The following RAVER2 variants were observed in gnomAD, a reference collection of about 807,000 sequenced individuals.
RAVER2 encodes ribonucleoprotein PTB-binding 2.
RAVER2 carries 46 observed loss-of-function variants against 78.1 expected under a neutral mutation model. The ratio of observed to expected loss-of-function variants is 0.59; its 90% CI spans 0.46 to 0.75. The LOEUF is 0.75. Among genes scored for constraint, RAVER2 ranks in the 30% least tolerant of loss-of-function variants. RAVER2 has a pLI of 0.00. For missense variants in RAVER2, 793 were observed against 837.5 expected (o/e 0.95, Z 0.66); for synonymous variants, 311 against 313.3 (o/e 0.99, Z 0.08).
chr1:64,817,682 T>C (rs1033055004), intron 11 of RAVER2, among the ~76,000 whole-genome samples: 3 of 142,250 alleles, frequency 2.1e-5, no homozygotes, highest in Non-Finnish European at 4.5e-5. Flanking sequence ...ATGTTCTGAC[T>C]CAGAGGTGAG....
intron 1 of RAVER2, among the ~76,000 whole-genome samples, chr1:64,764,789 A>G (rs751028793): frequency 3.9e-5 from 6 of 152,220 alleles, no homozygotes; most frequent in Non-Finnish European, 8.8e-5. Context: ...GTCTTGAGGC[A>G]GAACTTCTAC....
intron 10 of RAVER2, among the ~76,000 whole-genome samples, chr1:64,813,828 GACACACACACACACACACACACACACAC>G (rs10566575): frequency 2.1e-5 from 3 of 145,898 alleles, no homozygotes; most frequent in East Asian, 2.0e-4. Flanking sequence ...TTAGAGACTA[GACACACACACACACACACACACACACAC>G]ACACACACAC....
chr1:64,774,094 G>A (rs1652396437), intron 2 of RAVER2, among the ~76,000 whole-genome samples: 1 of 152,088 alleles, frequency 6.6e-6, no homozygotes, highest in African/African-American at 2.4e-5. Context: ...TTGTCAGATG[G>A]ATAGATTGCA....
At chr1:64,802,606 T>C (rs1201813222) in intron 5 of RAVER2, among the ~76,000 whole-genome samples, 1 of 152,230 alleles carries the variant, frequency 6.6e-6, no homozygotes, top group Non-Finnish European at 1.5e-5. Flanking sequence ...TCTTGTCCCC[T>C]ACTCCTACCC....
At chr1:64,784,513 A>G (rs1652725886) in intron 4 of RAVER2, among the ~76,000 whole-genome samples, 1 of 152,118 alleles carries the variant, frequency 6.6e-6, no homozygotes, top group Non-Finnish European at 1.5e-5. Flanking sequence ...GTAGATTTCC[A>G]TATTTGGCCT....
chr1:64,780,186 G>A (rs543540474), intron 3 of RAVER2, among the ~76,000 whole-genome samples: 1 of 152,236 alleles, frequency 6.6e-6, no homozygotes, highest in African/African-American at 2.4e-5. Context: ...GATTGGCATA[G>A]ACTGTATTAA....
intron 4 of RAVER2, among the ~76,000 whole-genome samples, chr1:64,784,454 CTA>C (rs1412738576): frequency 2.0e-5 from 3 of 152,098 alleles, no homozygotes; most frequent in Non-Finnish European, 2.9e-5. Context: ...TCCTATCTGC[CTA>C]TGTGTTCTTT....
At chr1:64,758,513 T>G (rs1031497829) in intron 1 of RAVER2, among the ~76,000 whole-genome samples, 2 of 152,170 alleles carry the variant, frequency 1.3e-5, no homozygotes, top group Non-Finnish European at 1.5e-5. Flanking sequence ...ATTCGCTGTT[T>G]GTTGCTGGGT....
At chr1:64,747,705 G>A (rs563428928) in intron 1 of RAVER2, among the ~76,000 whole-genome samples, 21 of 152,082 alleles carry the variant, frequency 1.4e-4, no homozygotes, top group African/African-American at 5.1e-4. Flanking sequence ...GTAGAGATGT[G>A]GTTTTGCCAT....
At chr1:64,826,706 G>T (rs1033591782) in intron 11 of RAVER2, among the ~76,000 whole-genome samples, 1 of 152,184 alleles carries the variant, frequency 6.6e-6, no homozygotes, top group African/African-American at 2.4e-5. Flanking sequence ...AACATGCCTA[G>T]CTGCTGTGTT....
chr1:64,813,036 G>A (rs917711211), intron 10 of RAVER2, among the ~76,000 whole-genome samples, 187 bp downstream of exon 10: 3 of 152,016 alleles, frequency 2.0e-5, no homozygotes. Context: ...TTTATTTAAG[G>A]AAAACATTAC....
chr1:64,806,567 C>T (rs1479144859), intron 8 of RAVER2, among the ~76,000 whole-genome samples: 3 of 151,928 alleles, frequency 2.0e-5, no homozygotes, highest in African/African-American at 4.8e-5. Flanking sequence ...GTTTAACAAC[C>T]AGCTCTCTAG....
At chr1:64,747,478 A>G (rs1348060291) in intron 1 of RAVER2, among the ~76,000 whole-genome samples, 1 of 151,682 alleles carries the variant, frequency 6.6e-6, no homozygotes, top group South Asian at 2.1e-4. Flanking sequence ...GTTCTTTTCC[A>G]GAAGAGACTG....
intron 1 of RAVER2, among the ~76,000 whole-genome samples, chr1:64,753,389 C>T (rs764121873): frequency 1.2e-4 from 18 of 151,958 alleles, no homozygotes; most frequent in Non-Finnish European, 1.9e-4. Flanking sequence ...TCAAAGAAAT[C>T]CCCACAAATA....
chr1:64,785,916 C>A (rs954333768), intron 4 of RAVER2, among the ~76,000 whole-genome samples: 5 of 151,890 alleles, frequency 3.3e-5, no homozygotes, highest in African/African-American at 1.2e-4. Context: ...GCATTTATTT[C>A]TTTTCTTGCT....
At chr1:64,779,142 T>A (rs1052774884) in intron 3 of RAVER2, among the ~76,000 whole-genome samples, 8 of 151,958 alleles carry the variant, frequency 5.3e-5, no homozygotes, top group African/African-American at 1.9e-4. Context: ...GTAAGAACAC[T>A]TAACATCCAC....
chr1:64,752,716 G>A (rs1016323874), intron 1 of RAVER2, among the ~76,000 whole-genome samples: 42 of 152,208 alleles, frequency 2.8e-4, no homozygotes, highest in African/African-American at 9.4e-4. Context: ...GTTAAAGACG[G>A]GCAATAACCT....
At chr1:64,807,301 G>T in exon 9 of RAVER2, 7 of 1,614,104 alleles carry the variant, frequency 4.3e-6, no homozygotes, top group Non-Finnish European at 5.9e-6. Flanking sequence ...GGCTGGGCCA[G>T]GGCACAGTAA....
At chr1:64,822,650 T>C (rs1653916151) in intron 11 of RAVER2, among the ~76,000 whole-genome samples, 2 of 152,112 alleles carry the variant, frequency 1.3e-5, no homozygotes, top group Admixed American at 6.5e-5. Context: ...ATGTTAAACA[T>C]AGAATTACCA....
Sources: allele counts gnomAD v4.1 joint callset (sites outside exome capture counted in the v4.1 genomes callset), GRCh38; gene constraint gnomAD v4.1.1; transcripts MANE v1.5; gene names NCBI Gene and HGNC (gene_info 2026-07-23, HGNC 2026-07-21).